Variants in RNF170 observed in about 807,000 individuals in gnomAD.
RNF170 encodes the protein E3 ubiquitin-protein ligase RNF170.
RNF170 carries 12 observed loss-of-function variants against 32.7 expected under a neutral mutation model. The ratio of observed to expected loss-of-function variants is 0.37; its 90% confidence interval spans 0.24 to 0.60. The LOEUF (loss-of-function observed/expected upper bound fraction) is 0.60, where lower values mean the gene tolerates loss of function less well. RNF170 is among the 20% of genes least tolerant of loss of function. RNF170 has a pLI of 0.72. For missense variants in RNF170, 212 were observed against 311.2 expected (o/e 0.68, Z 2.40); for synonymous variants, 91 against 103.6 (o/e 0.88, Z 0.74).
At position 42,886,796 on chromosome 8, in the gene RNF170, G is replaced by A. The variant is rs151334722; in HGVS notation, c.137+932C>T. Among the ~76,000 whole-genome samples, 17 of 152,336 alleles carry A rather than the reference G, an allele frequency of 1.1e-4. No individual in the cohort carries two copies. The East Asian group carries it at 3.1e-3, about 28-fold the overall frequency. ...CCAGCAACCTGGGAAGCTGGGATGG[G>A]AGGACTGCTTGAGTCCAGGAGTTCA... On this transcript the variant is annotated intron_variant, in intron 2 of 6. Transcript: ENST00000527424.
At position 42,896,600 on chromosome 8, in the gene RNF170, G is replaced by C. The variant is rs1256087353; in HGVS notation, c.-124C>G. 2 of 453,674 alleles carry C rather than the reference G, an allele frequency of 4.4e-6. No individual in the cohort carries two copies. The highest frequency in any genetic ancestry group is 8.8e-6 in the Non-Finnish European group (2 of 226,700). The allele number at this position is 453,674 out of a possible 1,614,324, so 28.1% of individuals were successfully genotyped here. A position where few individuals can be genotyped will look rare whatever the true frequency, so the allele number is the denominator to read the frequency against. ...CACTAGACGTCCCCTTTCTAATTTG[G>C]AGTGCGGGTGCGGGCGCACGCGCAC... On this transcript the variant is annotated 5_prime_UTR_variant, in exon 1 of 7. Coordinates refer to ENST00000527424, the MANE Select transcript of RNF170 (RefSeq NM_030954.4).
intron 3 of RNF170, among the ~76,000 whole-genome samples, chr8:42,870,833 C>A (rs1804467223): frequency 6.6e-6 from 1 of 152,158 alleles, no homozygotes; most frequent in Non-Finnish European, 1.5e-5. Flanking sequence ...CAAGAAACAT[C>A]TAGATATCAA....
At chr8:42,890,851 T>C (rs549931964) in intron 1 of RNF170, among the ~76,000 whole-genome samples, 1 of 152,060 alleles carries the variant, frequency 6.6e-6, no homozygotes, top group Non-Finnish European at 1.5e-5. Flanking sequence ...TCTCATAAAA[T>C]TGGAGTAAAA....
At chr8:42,892,640 A>AT (rs1359027338) in intron 1 of RNF170, among the ~76,000 whole-genome samples, 2 of 137,430 alleles carry the variant, frequency 1.5e-5, no homozygotes, top group East Asian at 2.2e-4. Flanking sequence ...TACTGGATTT[A>AT]TTTTTTCATG....
Position 42,853,627 on chromosome 8 carries a change from A to G in RNF170, c.*2532T>C. 13 of 1,283,746 alleles carry G rather than the reference A, an allele frequency of 1.0e-5. No individual in the cohort carries two copies. The highest frequency in any genetic ancestry group is 1.3e-5 in the Non-Finnish European group (13 of 986,420). 79.5% of individuals were successfully genotyped at this position (1,283,746 alleles called of 1,614,324 possible). ...GATATTGTTGTTTAAAAAAAATCCAAATTGTTACTTTGATTTATATGATCT... is the reference window on the plus strand; with the variant it reads ...GATATTGTTGTTTAAAAAAAATCCAGATTGTTACTTTGATTTATATGATCT... On this transcript the variant is annotated 3_prime_UTR_variant, in exon 7 of 7. Transcript: ENST00000527424.
chr8:42,886,488 C>G (rs1805835807), intron 2 of RNF170, among the ~76,000 whole-genome samples: 1 of 152,028 alleles, frequency 6.6e-6, no homozygotes, highest in Non-Finnish European at 1.5e-5. Context: ...TAATAAGAGA[C>G]TATCTTGGAT....
chr8:42,860,089 A>G (rs1586484088), intron 6 of RNF170, among the ~76,000 whole-genome samples: 1 of 152,366 alleles, frequency 6.6e-6, no homozygotes, highest in Admixed American at 6.5e-5. Flanking sequence ...TATGTCAAGG[A>G]GGGAATCAGC....
downstream of RNF170, chr8:42,850,721 G>C: frequency 6.5e-7 from 1 of 1,543,542 alleles, no homozygotes; most frequent in Non-Finnish European, 8.8e-7. Context: ...GGGGAGGGGA[G>C]GGTCACTGCC....
intron 3 of RNF170, among the ~76,000 whole-genome samples, chr8:42,872,290 T>A (rs1319710494): frequency 6.6e-6 from 1 of 152,222 alleles, no homozygotes; most frequent in Non-Finnish European, 1.5e-5. Context: ...AGCAGTCTCA[T>A]ATGTTAATGA....
intron 3 of RNF170, among the ~76,000 whole-genome samples, chr8:42,873,608 G>A (rs1167108768): frequency 6.6e-6 from 1 of 151,980 alleles, no homozygotes; most frequent in Non-Finnish European, 1.5e-5. Context: ...AGATATTAAG[G>A]AGTATATGTC....
At chr8:42,879,080 A>C (rs771260883) in intron 2 of RNF170, among the ~76,000 whole-genome samples, 7 of 152,228 alleles carry the variant, frequency 4.6e-5, no homozygotes, top group Non-Finnish European at 8.8e-5. Flanking sequence ...TATTAACAAA[A>C]AAATCTGTTA....
chr8:42,874,508 A>C, intron 2 of RNF170, among the ~76,000 whole-genome samples: 1 of 152,122 alleles, frequency 6.6e-6, no homozygotes, highest in East Asian at 1.9e-4. Context: ...TCGGAGGCCA[A>C]GGCGGGTGGA....
rs372491606 is a variant in RNF170, at chr8:42,878,547, G to A, written c.138-4541C>T. Among the ~76,000 whole-genome samples, 13 of 152,342 alleles carry A rather than the reference G, an allele frequency of 8.5e-5. No individual in the cohort carries two copies. In the East Asian group the frequency reaches 1.5e-3, roughly 18 times the overall value. On this transcript the variant is annotated intron_variant, in intron 2 of 6. Coordinates refer to ENST00000527424, the MANE Select transcript of RNF170 (RefSeq NM_030954.4). ...TCTTCAATTTTGTGAAGCTGAGGGA[G>A]GAGAGGAAGCTACAGAAGAAAAGTT...
rs71231874 is a variant in RNF170, at chr8:42,863,980, A to AGTGTGTGT, written c.396+1428_396+1435dup. On this transcript the variant is annotated intron_variant, in intron 5 of 6. Transcript: ENST00000527424. Reference sequence around the variant, plus strand: ...AAGGCTGAAGGAGAGAGAGAGAGAGAGTGTGTGTGTGTGTGTGTGTGTGTG... The same window carrying AGTGTGTGT: ...AAGGCTGAAGGAGAGAGAGAGAGAGAGTGTGTGTGTGTGTGTGTGTGTGTGTGTGTGTG... Among the ~76,000 whole-genome samples, 1,283 of 139,560 alleles carry AGTGTGTGT rather than the reference A, an allele frequency of 9.2e-3. 8 individuals are homozygous for AGTGTGTGT. The highest frequency in any genetic ancestry group is 0.013 in the African/African-American group (477 of 37,082). 91.6% of individuals were successfully genotyped at this position (139,560 alleles called of 152,430 possible). A position where few individuals can be genotyped will look rare whatever the true frequency, so the allele number is the denominator to read the frequency against.
At chr8:42,850,999 T>C, downstream of RNF170, 2 of 1,551,054 alleles carry the variant, frequency 1.3e-6, no homozygotes, top group Non-Finnish European at 1.7e-6. Context: ...TGATGAACCC[T>C]ACACACGGTA....
At chr8:42,871,853 C>G (rs1262920721) in intron 3 of RNF170, among the ~76,000 whole-genome samples, 1 of 152,170 alleles carries the variant, frequency 6.6e-6, no homozygotes, top group Non-Finnish European at 1.5e-5. Context: ...GCCACTGCAC[C>G]CAGCCTTCTC....
At chr8:42,857,313 C>T (rs560489763) in intron 6 of RNF170, among the ~76,000 whole-genome samples, 23 of 152,284 alleles carry the variant, frequency 1.5e-4, no homozygotes, top group Non-Finnish European at 8.8e-5. Flanking sequence ...CAATGCTCAC[C>T]GAAGTACAAG....
intron 3 of RNF170, among the ~76,000 whole-genome samples, chr8:42,871,244 A>T: frequency 6.6e-6 from 1 of 152,134 alleles, no homozygotes; most frequent in Non-Finnish European, 1.5e-5. Context: ...ATTTTATGTT[A>T]TTGTATTGTA....
chr8:42,872,784 G>T (rs540512567), intron 3 of RNF170, among the ~76,000 whole-genome samples: 2 of 152,002 alleles, frequency 1.3e-5, no homozygotes, highest in Admixed American at 1.3e-4. Flanking sequence ...GTTCCATGAG[G>T]GTAGGAATTT....
Sources: gnomAD v4.1 joint callset for allele counts (sites outside exome capture counted in the v4.1 genomes callset) on GRCh38, gnomAD v4.1.1 for gene constraint, MANE v1.5 for transcripts, NCBI Gene and HGNC (gene_info 2026-07-23, HGNC 2026-07-21) for gene names.